The following HNRNPR variants were observed in gnomAD, a reference collection of about 807,000 sequenced individuals.
HNRNPR encodes the protein heterogeneous nuclear ribonucleoprotein R.
In HNRNPR, 4 loss-of-function variants were observed where a neutral mutation model predicts 70.3. The ratio of observed to expected loss-of-function variants is 0.06; its 90% CI spans 0.03 to 0.13. The LOEUF (loss-of-function observed/expected upper bound fraction) is 0.13. Among genes scored for constraint, HNRNPR ranks in the 10% least tolerant of loss-of-function variants. The probability of loss-of-function intolerance (pLI) is 1.00; values close to 1 mark genes in which losing one functional copy is unlikely to be tolerated. For synonymous variants in HNRNPR, 241 were observed against 267.6 expected, an observed-to-expected ratio of 0.90 and a Z score of 0.97; for missense variants, 423 against 788.5, an observed-to-expected ratio of 0.54 and a Z score of 5.55.
chr1:23,323,631 TG>T lies in HNRNPR; in HGVS notation c.599del (p.Pro200HisfsTer24). 1 of 1,614,110 alleles carries T rather than the reference TG, an allele frequency of 6.2e-7. No homozygotes were observed. Among genetic ancestry groups the T allele is most frequent in the Non-Finnish European group, 8.5e-7 (1 of 1,179,978 alleles). Reference sequence around the variant, plus strand: ...CATACCCTCTATTCTGACCGGACAGTGGATCCATCATAAGACGTAGATCCCA... The same window carrying T: ...CATACCCTCTATTCTGACCGGACAGTGATCCATCATAAGACGTAGATCCCA... The part of the protein sequence containing the change: ...PIWDLRLMMD[P>X]LSGQNRGYAF... On this transcript the variant is annotated frameshift_variant, in exon 6 of 11. Transcript: ENST00000302271. LOFTEE classifies it high-confidence loss of function.
intron 2 of HNRNPR, among the ~76,000 whole-genome samples, chr1:23,338,940 T>C (rs1036405946): frequency 1.3e-5 from 2 of 152,252 alleles, no homozygotes; most frequent in African/African-American, 4.8e-5. Context: ...TTACAGATTA[T>C]GCATTAATAC....
Position 23,308,706 on chromosome 1 carries a change from A to G in HNRNPR, c.*1748T>C, listed in dbSNP as rs1302429165. 6.6e-6 allele frequency: 1 copy of G among 152,106 alleles called. No individual in the cohort carries two copies. The highest frequency in any genetic ancestry group is 1.5e-5 in the Non-Finnish European group (1 of 67,922). The allele number at this position is 152,106 out of a possible 1,614,324, so 9.4% of individuals were successfully genotyped here. A position where few individuals can be genotyped will look rare whatever the true frequency, so the allele number is the denominator to read the frequency against. On this transcript the variant is annotated 3_prime_UTR_variant, in exon 11 of 11. Transcript: ENST00000302271. The stretch of plus-strand genomic sequence containing the variant: ...ATGAGTGTACTTTGAAAAAGAAATG[A>G]AATATATTGACTTTCATCAGTAAAT...
At chr1:23,321,690 C>T (rs1645764358) in intron 6 of HNRNPR, 27 bp from the exon 7 acceptor site, 1 of 1,587,898 alleles carries the variant, frequency 6.3e-7, no homozygotes, top group Non-Finnish European at 8.6e-7. Context: ...ACCAGAGACC[C>T]CAAAACCACC....
At chr1:23,328,768 G>T (rs897314877) in intron 5 of HNRNPR, among the ~76,000 whole-genome samples, 1 of 152,106 alleles carries the variant, frequency 6.6e-6, no homozygotes, top group African/African-American at 2.4e-5. Flanking sequence ...CCAAAGTTTT[G>T]GGATTACAGG....
chr1:23,322,287 G>A (rs1031220439), intron 6 of HNRNPR, among the ~76,000 whole-genome samples: 4 of 151,608 alleles, frequency 2.6e-5, no homozygotes, highest in African/African-American at 9.7e-5. Context: ...CCAAGCTGGA[G>A]GGCAGTAGCA....
chr1:23,339,037 G>A (rs1432227885), intron 2 of HNRNPR, among the ~76,000 whole-genome samples: 1 of 152,210 alleles, frequency 6.6e-6, no homozygotes, highest in East Asian at 1.9e-4. Flanking sequence ...TACAGTTGAT[G>A]CTAACCACCT....
At chr1:23,316,989 T>G (rs1645569545) in intron 8 of HNRNPR, among the ~76,000 whole-genome samples, 1 of 152,104 alleles carries the variant, frequency 6.6e-6, no homozygotes, top group African/African-American at 2.4e-5. Flanking sequence ...AAACCAGAGT[T>G]CTCCTCCAAA....
intron 2 of HNRNPR, among the ~76,000 whole-genome samples, chr1:23,340,310 T>TAA (rs568728261): frequency 2.9e-4 from 41 of 140,836 alleles, no homozygotes; most frequent in African/African-American, 1.0e-3. Flanking sequence ...ACTTCTGGAT[T>TAA]AAAAAAAAAA....
rs1296328448 is a variant in HNRNPR, at chr1:23,317,733, C to T, written c.1017+750G>A. 3.9e-5 allele frequency among the ~76,000 whole-genome samples: 6 copies of T among 152,078 alleles called. No individual in the cohort carries two copies. The East Asian group carries it at 1.2e-3, about 29-fold the overall frequency. Reference sequence around the variant, plus strand: ...GGCACGGTGGCTCATGCCTTAATCCCAGCACTTTGGGAGGCCAAGGCGGGT... The same window carrying T: ...GGCACGGTGGCTCATGCCTTAATCCTAGCACTTTGGGAGGCCAAGGCGGGT... On this transcript the variant is annotated intron_variant, in intron 8 of 10. Transcript: ENST00000302271.
At chr1:23,327,879 A>AG (rs1646052961) in intron 5 of HNRNPR, among the ~76,000 whole-genome samples, 1 of 150,102 alleles carries the variant, frequency 6.7e-6, no homozygotes, top group Admixed American at 6.7e-5. Flanking sequence ...GAGGAAGGTG[A>AG]GGGGGCAGTG....
intron 8 of HNRNPR, among the ~76,000 whole-genome samples, chr1:23,315,943 A>T (rs569474502): frequency 6.6e-6 from 1 of 152,338 alleles, no homozygotes; most frequent in Admixed American, 6.5e-5. Flanking sequence ...TTCTATGATG[A>T]AACGATAACA....
At chr1:23,338,453 C>G in intron 3 of HNRNPR, 37 bp downstream of exon 3, 2 of 793,584 alleles carry the variant, frequency 2.5e-6, no homozygotes, top group Non-Finnish European at 3.9e-6. Flanking sequence ...TTTCAGATTA[C>G]TAATTGTTCA....
chr1:23,333,500 C>T lies in HNRNPR; in HGVS notation c.498+18G>A. On this transcript the variant is annotated intron_variant, in intron 5 of 10. Transcript: ENST00000302271. ...TCCAAACTGGAAAGATCTTGGTAAA[C>T]TGCTAAAGAACACTTACCTCCGTTC... is the stretch of plus-strand genomic sequence containing the variant. 1 of 1,486,364 alleles carries T rather than the reference C, an allele frequency of 6.7e-7. No homozygotes were observed. Among genetic ancestry groups the T allele is most frequent in the African/African-American group, 1.4e-5 (1 of 72,600 alleles). The allele number at this position is 1,486,364 out of a possible 1,614,324, so 92.1% of individuals were successfully genotyped here. A position where few individuals can be genotyped will look rare whatever the true frequency, so the allele number is the denominator to read the frequency against.
intron 5 of HNRNPR, among the ~76,000 whole-genome samples, chr1:23,331,636 G>GAA (rs1246681612): frequency 6.6e-6 from 1 of 151,446 alleles, no homozygotes; most frequent in Non-Finnish European, 1.5e-5. Flanking sequence ...GCAGTGAGAC[G>GAA]AAATTGCACC....
intron 4 of HNRNPR, among the ~76,000 whole-genome samples, chr1:23,335,066 T>C (rs931594419): frequency 1.7e-4 from 26 of 152,156 alleles, no homozygotes; most frequent in African/African-American, 5.5e-4. Context: ...TACAGGCGCC[T>C]GCCACCACAC....
intron 5 of HNRNPR, among the ~76,000 whole-genome samples, chr1:23,332,239 T>C (rs1646263868): frequency 6.6e-6 from 1 of 152,144 alleles, no homozygotes; most frequent in Admixed American, 6.6e-5. Flanking sequence ...AAGAATTGCT[T>C]CTTTGTTCAA....
chr1:23,335,449 G>C (rs1646432610), intron 4 of HNRNPR, among the ~76,000 whole-genome samples: 1 of 152,222 alleles, frequency 6.6e-6, no homozygotes, highest in Non-Finnish European at 1.5e-5. Flanking sequence ...GAGGTAAATA[G>C]CGGGCAAGTG....
In HNRNPR at chr1:23,309,833, A is replaced by C. The variant is rs1645267418; in HGVS notation, c.*621T>G. The C allele has an allele frequency of 6.5e-6, 1 of 152,672 alleles. No individual in the cohort carries two copies. The highest frequency in any genetic ancestry group is 1.5e-5 in the Non-Finnish European group (1 of 68,032). The allele number at this position is 152,672 out of a possible 1,614,324, so 9.5% of individuals were successfully genotyped here. A position where few individuals can be genotyped will look rare whatever the true frequency, so the allele number is the denominator to read the frequency against. On this transcript the variant is annotated 3_prime_UTR_variant, in exon 11 of 11. Transcript: ENST00000302271. ...TTTATTGAAATCTTACATGAACAAG[A>C]AATTGGAAATACAATCACATCAAAG...
chr1:23,326,944 G>A (rs1024710281), intron 5 of HNRNPR, among the ~76,000 whole-genome samples: 8 of 152,062 alleles, frequency 5.3e-5, no homozygotes, highest in African/African-American at 1.7e-4. Flanking sequence ...CTATGATGAA[G>A]ACATGTTTGT....
Sources: gnomAD v4.1 joint callset for allele counts (sites outside exome capture counted in the v4.1 genomes callset) on GRCh38, gnomAD v4.1.1 for gene constraint, MANE v1.5 for transcripts, NCBI Gene and HGNC (gene_info 2026-07-23, HGNC 2026-07-21) for gene names.